Variants in XRN1 observed in about 807,000 individuals in gnomAD.
XRN1 encodes the protein 5'-3' exoribonuclease 1.
In XRN1, 67 loss-of-function variants were observed where a neutral mutation model predicts 222.3. That is an observed-to-expected ratio of 0.30 (90% CI 0.25 to 0.37). The LOEUF is 0.37. Among genes scored for constraint, XRN1 ranks in the 10% least tolerant of loss-of-function variants. XRN1 has a pLI of 1.00. For missense variants in XRN1, 1,707 were observed against 2,000.2 expected (o/e 0.85, Z 2.80); for synonymous variants, 643 against 652.4 (o/e 0.99, Z 0.22).
intron 15 of XRN1, among the ~76,000 whole-genome samples, chr3:142,409,323 G>T (rs915107909): frequency 3.3e-5 from 5 of 152,134 alleles, no homozygotes; most frequent in African/African-American, 1.2e-4. Context: ...TTAGATCTAT[G>T]ACATATTTTG....
intron 39 of XRN1, among the ~76,000 whole-genome samples, chr3:142,314,069 A>G (rs2065144451): frequency 6.6e-6 from 1 of 152,206 alleles, no homozygotes; most frequent in African/African-American, 2.4e-5. Context: ...CCAATAAATC[A>G]CTGTTACAAA....
chr3:142,360,502 G>A (rs1559815171), intron 29 of XRN1, among the ~76,000 whole-genome samples: 2 of 151,862 alleles, frequency 1.3e-5, no homozygotes. Context: ...CTTTATGCAG[G>A]TGAATGTTCC....
Position 142,407,394 on chromosome 3 carries a change from A to G in XRN1, c.1714-2318T>C, listed in dbSNP as rs1054728198. Among the ~76,000 whole-genome samples, 12 of 152,308 alleles carry G rather than the reference A, an allele frequency of 7.9e-5. No homozygotes were observed. In the East Asian group the frequency reaches 1.5e-3, roughly 20 times the overall value. ...CACCACACTGGAGTGCAGTGGCACA[A>G]TCTCGGCTCACTGCAACCTCCACCT... On this transcript the variant is annotated intron_variant, in intron 15 of 40. Transcript: ENST00000392981.
At chr3:142,322,356 G>T (rs2065377646) in intron 37 of XRN1, among the ~76,000 whole-genome samples, 1 of 152,128 alleles carries the variant, frequency 6.6e-6, no homozygotes, top group Non-Finnish European at 1.5e-5. Context: ...TGAGAATATA[G>T]GTGGGTACTA....
chr3:142,349,821 A>G (rs2066254846), intron 32 of XRN1, among the ~76,000 whole-genome samples: 1 of 152,186 alleles, frequency 6.6e-6, no homozygotes, highest in African/African-American at 2.4e-5. Context: ...AAAACATGAG[A>G]GTGTTCAGCT....
At chr3:142,409,631 G>T (rs896786037) in intron 15 of XRN1, among the ~76,000 whole-genome samples, 3 of 152,086 alleles carry the variant, frequency 2.0e-5, no homozygotes. Context: ...TATATGGATT[G>T]TTTTGGTTTT....
intron 37 of XRN1, among the ~76,000 whole-genome samples, chr3:142,320,628 C>T (rs2065327842): frequency 6.6e-6 from 1 of 152,040 alleles, no homozygotes; most frequent in South Asian, 2.1e-4. Context: ...AAATCTTTGT[C>T]TAGGCCAATG....
rs1380327307 is a variant in XRN1 at position 142,412,592 on chromosome 3, C to T, written c.1665G>A (p.Gly555=). Residue 555 remains glycine, a synonymous_variant, in exon 15 of 41, where the codon GGG becomes GGA. Transcript: ENST00000392981. Reference sequence around the variant, plus strand: ...CCACAGCTTCCCATTCCTGTTGTTTCCCATTTAGGTCAGTTTTAAAATCAG... The same window carrying T: ...CCACAGCTTCCCATTCCTGTTGTTTTCCATTTAGGTCAGTTTTAAAATCAG... ...YPPDFKTDLN[G]KQQEWEAVVL... is the part of the protein sequence containing the mutation. 1 of 1,608,032 alleles carries T rather than the reference C, an allele frequency of 6.2e-7. No individual in the cohort carries two copies. Among genetic ancestry groups the T allele is most frequent in the Non-Finnish European group, 8.5e-7 (1 of 1,176,032 alleles).
At position 142,341,704 on chromosome 3, in the gene XRN1, C is replaced by A. The variant is rs531526825; in HGVS notation, c.3877+5530G>T. Among the ~76,000 whole-genome samples the A allele has an allele frequency of 6.6e-5, 10 of 152,032 alleles. No individual in the cohort carries two copies. The South Asian group carries it at 1.7e-3, about 25-fold the overall frequency. ...CACACATCACCTATAAAGACACATG[C>A]AGACAAATAAAGGGATGGAAAAAGT... On this transcript the variant is annotated intron_variant, in intron 33 of 40. Transcript: ENST00000392981.
rs2069087898 is a variant in XRN1, at chr3:142,422,660, G to C, written c.889C>G (p.Leu297Val). Residue 297 changes from leucine to valine, a missense_variant, in exon 8 of 41, where the codon CTA becomes GTA. By Grantham distance (32) the Leu-to-Val change is conservative (BLOSUM62 1). This residue lies in a region of XRN1 where 1,234 missense variants were observed against 1,518.2 expected (regional missense o/e 0.81). Coordinates refer to ENST00000392981, the MANE Select transcript of XRN1 (RefSeq NM_001282857.2). Reference protein sequence around the residue: ...FLVGNDFIPHLPHLHINHDAL... With the variant: ...FLVGNDFIPHVPHLHINHDAL... Reference sequence around the variant, plus strand: ...TCATGATTAATATGTAAATGAGGTAGATGAGGGATAAAATCATTACCAACA... The same window carrying C: ...TCATGATTAATATGTAAATGAGGTACATGAGGGATAAAATCATTACCAACA... 6.2e-7 allele frequency: 1 copy of C among 1,612,846 alleles called. No individual in the cohort carries two copies. The highest frequency in any genetic ancestry group is 1.3e-5 in the African/African-American group (1 of 75,002).
chr3:142,423,792 A>G, intron 5 of XRN1, 150 bp from the exon 6 acceptor site: 1 of 607,160 alleles, frequency 1.6e-6, no homozygotes, highest in Non-Finnish European at 2.7e-6. Flanking sequence ...ATCTATTTGT[A>G]GGTAATGAAT....
At chr3:142,446,536 C>T (rs538575083) in intron 1 of XRN1, among the ~76,000 whole-genome samples, 11 of 152,198 alleles carry the variant, frequency 7.2e-5, no homozygotes, top group Non-Finnish European at 1.3e-4. Context: ...AAACCAAATT[C>T]TGTGCCACAG....
intron 32 of XRN1, among the ~76,000 whole-genome samples, chr3:142,347,709 T>C (rs1024188004): frequency 6.6e-6 from 1 of 152,006 alleles, no homozygotes; most frequent in African/African-American, 2.4e-5. Context: ...GTGACTCTCA[T>C]GACTCAGCCT....
chr3:142,434,495 A>ATTTTTTTTTTACCCTTTTTTT (rs1559883061), intron 1 of XRN1, among the ~76,000 whole-genome samples: 1 of 143,378 alleles, frequency 7.0e-6, no homozygotes, highest in African/African-American at 2.6e-5. Context: ...ACTTGATCAA[A>ATTTTTTTTTTACCCTTTTTTT]TTTTTTTTTT....
At chr3:142,335,322 A>G in intron 34 of XRN1, 126 bp downstream of exon 34, 1 of 833,506 alleles carries the variant, frequency 1.2e-6, no homozygotes, top group Admixed American at 2.3e-5. Flanking sequence ...GCTTAACTTC[A>G]GTGACCCTCT....
At chr3:142,319,759 T>C (rs1405468818) in intron 37 of XRN1, among the ~76,000 whole-genome samples, 1 of 152,196 alleles carries the variant, frequency 6.6e-6, no homozygotes, top group Non-Finnish European at 1.5e-5. Context: ...GAACATGTGA[T>C]ATCTGACTTT....
chr3:142,446,500 T>C (rs1358631867), intron 1 of XRN1, among the ~76,000 whole-genome samples: 1 of 152,232 alleles, frequency 6.6e-6, no homozygotes, highest in African/African-American at 2.4e-5. Flanking sequence ...TTCCTCAGGA[T>C]GGAGAGAATC....
At chr3:142,389,121 G>A (rs1577345554) in intron 20 of XRN1, among the ~76,000 whole-genome samples, 1 of 152,218 alleles carries the variant, frequency 6.6e-6, no homozygotes, top group African/African-American at 2.4e-5. Context: ...GCTGAGGCAC[G>A]AGAATAGCTT....
chr3:142,384,666 T>C lies in XRN1; in HGVS notation c.2359A>G (p.Ile787Val), dbSNP rs373533963. The C allele has an allele frequency of 5.0e-6, 8 of 1,592,520 alleles. No homozygotes were observed. The African/African-American group carries it at 1.1e-4, about 22-fold the overall frequency. Residue 787 changes from isoleucine (I) to valine (V), a missense_variant, in exon 21 of 41, where the codon ATA becomes GTA. This residue lies in a region of XRN1 where 1,234 missense variants were observed against 1,518.2 expected (regional missense o/e 0.81). Coordinates refer to ENST00000392981, the MANE Select transcript of XRN1 (RefSeq NM_001282857.2). Reference protein sequence around the residue: ...ISEHYLRRKGIIINETSAVVY... With the variant: ...ISEHYLRRKGVIINETSAVVY... The stretch of plus-strand genomic sequence containing the variant: ...ACTGCAGATGTTTCATTTATTATTA[T>C]TCCTTTTCTTCTCAGGTAGCTAAAA...
Sources: gnomAD v4.1 joint callset for allele counts (sites outside exome capture counted in the v4.1 genomes callset) on GRCh38, gnomAD v4.1.1 for gene constraint, gnomAD v4.1.1 regional missense constraint, MANE v1.5 for transcripts, NCBI Gene and HGNC (gene_info 2026-07-23, HGNC 2026-07-21) for gene names.